GRIP1: variants seen among roughly 807,000 people sequenced by gnomAD.
The protein encoded by GRIP1 is glutamate receptor interacting protein 1.
GRIP1 carries 45 observed loss-of-function variants against 129.9 expected under a neutral mutation model. The ratio of observed to expected loss-of-function variants is 0.35; its 90% CI spans 0.27 to 0.44. The LOEUF (loss-of-function observed/expected upper bound fraction) is 0.44. GRIP1 is among the 20% of genes least tolerant of loss of function. The probability of loss-of-function intolerance (pLI) is 1.00; values close to 1 mark genes in which losing one functional copy is unlikely to be tolerated. For missense variants in GRIP1, 1,196 were observed against 1,396.8 expected (o/e 0.86, Z 2.29); for synonymous variants, 530 against 520.8 (o/e 1.02, Z -0.24).
intron 1 of GRIP1, among the ~76,000 whole-genome samples, chr12:66,634,235 T>G (rs12312349): frequency 0.022 from 3,311 of 152,324 alleles, 120 homozygotes; most frequent in African/African-American, 0.075. Flanking sequence ...TAGCAGTATG[T>G]GTTACATTTT....
At chr12:66,683,791 A>T (rs2034676369), upstream of GRIP1, among the ~76,000 whole-genome samples, 1 of 152,240 alleles carries the variant, frequency 6.6e-6, no homozygotes, top group African/African-American at 2.4e-5. Context: ...CATCAGCTAA[A>T]AGCATCTGGT....
chr12:66,573,697 C>T (rs1592576529), intron 2 of GRIP1, among the ~76,000 whole-genome samples: 1 of 152,260 alleles, frequency 6.6e-6, no homozygotes, highest in East Asian at 1.9e-4. Flanking sequence ...TAGTCTGATT[C>T]CCTAAAGCTT....
At chr12:66,873,365 G>A (rs185997007) in intron 1 of GRIP1, among the ~76,000 whole-genome samples, 9 of 152,074 alleles carry the variant, frequency 5.9e-5, no homozygotes, top group Admixed American at 2.6e-4. Flanking sequence ...ATCCATCTTC[G>A]GAAAATAAAG....
At chr12:66,924,802 T>A (rs992083425) in intron 1 of GRIP1, among the ~76,000 whole-genome samples, 1 of 151,906 alleles carries the variant, frequency 6.6e-6, no homozygotes, top group Non-Finnish European at 1.5e-5. Flanking sequence ...CCCGTCTCTA[T>A]TAAAAAAATA....
rs370437577 is a variant in GRIP1 at position 66,610,744 on chromosome 12, A to G, written c.56-13817T>C. 2.6e-4 allele frequency among the ~76,000 whole-genome samples: 40 copies of G among 152,292 alleles called. 1 individual carries two copies. The highest frequency in any genetic ancestry group is 8.9e-4 in the African/African-American group (37 of 41,574). On this transcript the variant is annotated intron_variant, in intron 1 of 24. Coordinates refer to ENST00000359742, the MANE Select transcript of GRIP1 (RefSeq NM_001366722.1). ...ATGCCAGGTTCACAGCTTGTAAAAG[A>G]ACAGAAGAATAGCTATGTGAAAAAT...
chr12:67,036,099 C>T (rs994842566), intron 1 of GRIP1, among the ~76,000 whole-genome samples: 5 of 152,178 alleles, frequency 3.3e-5, no homozygotes, highest in African/African-American at 1.2e-4. Context: ...ACATCAGGTT[C>T]ATCACCATTG....
At chr12:66,896,870 TC>T (rs1448941909) in intron 1 of GRIP1, among the ~76,000 whole-genome samples, 2 of 152,152 alleles carry the variant, frequency 1.3e-5, no homozygotes, top group Non-Finnish European at 2.9e-5. Context: ...TCAAAAACAT[TC>T]CCATGATAAA....
At chr12:66,700,588 C>T (rs1057421609) in intron 1 of GRIP1, among the ~76,000 whole-genome samples, 1 of 152,098 alleles carries the variant, frequency 6.6e-6, no homozygotes, top group African/African-American at 2.4e-5. Context: ...GCTAGGATGA[C>T]AGGTGCATGC....
intron 7 of GRIP1, among the ~76,000 whole-genome samples, chr12:66,488,751 G>T (rs763804771): frequency 6.6e-6 from 1 of 151,724 alleles, no homozygotes; most frequent in African/African-American, 2.4e-5. Context: ...AAAGAGAGAA[G>T]AATCAAGTAA....
At chr12:66,934,504 C>T (rs2041452392) in intron 1 of GRIP1, among the ~76,000 whole-genome samples, 2 of 152,172 alleles carry the variant, frequency 1.3e-5, no homozygotes, top group South Asian at 4.1e-4. Flanking sequence ...AGTCCTGGTC[C>T]TGTTTGTTAG....
chr12:66,439,333 T>C (rs2058405495), intron 13 of GRIP1, among the ~76,000 whole-genome samples: 1 of 152,184 alleles, frequency 6.6e-6, no homozygotes, highest in Non-Finnish European at 1.5e-5. Context: ...TTCTCTGAAA[T>C]CCTAAACTCT....
intron 1 of GRIP1, among the ~76,000 whole-genome samples, chr12:67,046,519 A>G (rs1385593414): frequency 6.6e-6 from 1 of 152,250 alleles, no homozygotes; most frequent in Non-Finnish European, 1.5e-5. Context: ...GTATATTTAC[A>G]TAGAACATAA....
intron 1 of GRIP1, among the ~76,000 whole-genome samples, chr12:67,029,523 A>G (rs2042989436): frequency 6.9e-6 from 1 of 144,860 alleles, no homozygotes; most frequent in African/African-American, 2.5e-5. Context: ...AGGTTGCAGT[A>G]TGCTATGACT....
Position 66,736,346 on chromosome 12 carries a change from A to ATTTTTTTTTTTTTTTTTTTTTTTTTTT in GRIP1, c.-420+67680_-420+67706dup, listed in dbSNP as rs547706592. Among the ~76,000 whole-genome samples, 2 of 67,024 alleles carry ATTTTTTTTTTTTTTTTTTTTTTTTTTT rather than the reference A, an allele frequency of 3.0e-5. 1 individual carries two copies. The highest frequency in any genetic ancestry group is 1.3e-4 in the African/African-American group (2 of 15,398). The allele number at this position is 67,024 out of a possible 152,430, so 44.0% of individuals were successfully genotyped here. ...AGGTGTGCACCACCGTGCCTGGCTAATTTTTTTTTTTTTTTTTTTTTTTTT... is the reference window on the plus strand; with the variant it reads ...AGGTGTGCACCACCGTGCCTGGCTAATTTTTTTTTTTTTTTTTTTTTTTTTTTTTTTTTTTTTTTTTTTTTTTTTTTT... On this transcript the variant is annotated intron_variant, in intron 1 of 4. Transcript: ENST00000538373.
At chr12:66,543,975 A>G (rs959204206) in intron 2 of GRIP1, among the ~76,000 whole-genome samples, 1 of 152,126 alleles carries the variant, frequency 6.6e-6, no homozygotes, top group Non-Finnish European at 1.5e-5. Flanking sequence ...TTCTACTCCA[A>G]GTTTTCAAGG....
intron 1 of GRIP1, among the ~76,000 whole-genome samples, chr12:66,935,995 C>T (rs192691341): frequency 2.0e-5 from 3 of 152,230 alleles, no homozygotes; most frequent in South Asian, 2.1e-4. Context: ...ATTTAGTCTG[C>T]TTTAACACCA....
chr12:66,459,481 C>T (rs943151058), intron 9 of GRIP1, among the ~76,000 whole-genome samples: 1 of 152,088 alleles, frequency 6.6e-6, no homozygotes, highest in African/African-American at 2.4e-5. Flanking sequence ...ACCTTTTGAC[C>T]CGCTTCTTCA....
chr12:66,955,889 C>G (rs1430432367), intron 1 of GRIP1, among the ~76,000 whole-genome samples: 3 of 152,150 alleles, frequency 2.0e-5, no homozygotes, highest in Non-Finnish European at 4.4e-5. Flanking sequence ...CTGTTTTATT[C>G]ATTGAGTATT....
chr12:66,624,450 T>A (rs1312387687), intron 1 of GRIP1, among the ~76,000 whole-genome samples: 2 of 152,142 alleles, frequency 1.3e-5, no homozygotes, highest in Non-Finnish European at 2.9e-5. Context: ...GTAAAATAGA[T>A]ACATTAGAAA....
Sources: allele counts gnomAD v4.1 joint callset (sites outside exome capture counted in the v4.1 genomes callset), GRCh38; gene constraint gnomAD v4.1.1; transcripts MANE v1.5; gene names NCBI Gene and HGNC (gene_info 2026-07-23, HGNC 2026-07-21).